CPZ: variants seen among roughly 807,000 people sequenced by gnomAD.
CPZ encodes the protein carboxypeptidase Z.
In CPZ, 103 loss-of-function variants were observed where a neutral mutation model predicts 61.8. The ratio of observed to expected loss-of-function variants is 1.67; its 90% CI spans 1.42 to 1.96. CPZ has a LOEUF of 1.96. CPZ is among the 30% of genes most tolerant of loss of function. The pLI, the probability that CPZ is intolerant of heterozygous loss-of-function variation, is 0.00. For synonymous variants in CPZ, 551 were observed against 373.7 expected, an observed-to-expected ratio of 1.47 and a Z score of -5.47; for missense variants, 1,461 against 914.9, an observed-to-expected ratio of 1.60 and a Z score of -7.70.
intron 1 of CPZ, among the ~76,000 whole-genome samples, chr4:8,597,999 A>T (rs888805729): frequency 1.3e-5 from 2 of 152,094 alleles, no homozygotes; most frequent in African/African-American, 2.4e-5. Context: ...TTCATAGTCC[A>T]TGTTCCCTGC....
At chr4:8,605,063 C>T (rs1714835890) in intron 4 of CPZ, among the ~76,000 whole-genome samples, 1 of 152,188 alleles carries the variant, frequency 6.6e-6, no homozygotes. Context: ...AAGAGGTGCC[C>T]CTGTGCAGAA....
In CPZ at chr4:8,606,719, G is replaced by A. The variant is rs766121340; in HGVS notation, c.907-18G>A. On this transcript the variant is annotated intron_variant, in intron 5 of 10. Transcript: ENST00000360986. ...GGTGTGCTGACCCCACCCAGTCGGG[G>A]GTTGGCCATGTTTTCAGGGTGCCGG... 1.9e-6 allele frequency: 3 copies of A among 1,613,906 alleles called. No individual in the cohort carries two copies. Among genetic ancestry groups the A allele is most frequent in the Non-Finnish European group, 1.7e-6 (2 of 1,180,000 alleles).
rs1397556747 is a variant in CPZ at position 8,601,364 on chromosome 4, C to T, written c.363C>T (p.Ile121=). ...GGWVRRPCRH[I]CEGLREVCQP... ...GGGTGCGCAGACCCTGCCGGCACAT[C>T]TGCGAGGGCCTGCGGGAGGTCTGCC... Residue 121 remains isoleucine, a synonymous_variant, in exon 3 of 11, where the codon ATC becomes ATT. Transcript: ENST00000360986. The T allele has an allele frequency of 5.0e-6, 8 of 1,600,976 alleles. No homozygotes were observed. The highest frequency in any genetic ancestry group is 2.3e-5 in the East Asian group (1 of 44,188).
At chr4:8,608,134 C>CCAGCT (rs1715201253) in intron 7 of CPZ, among the ~76,000 whole-genome samples, 2 of 140,838 alleles carry the variant, frequency 1.4e-5, no homozygotes, top group East Asian at 4.4e-4. Context: ...GGGCCCCAGC[C>CCAGCT]TCCAGCCCCC....
chr4:8,609,876 T>G lies in CPZ; in HGVS notation c.1228-2151T>G, dbSNP rs1293865576. Among the ~76,000 whole-genome samples, 5 of 152,116 alleles carry G rather than the reference T, an allele frequency of 3.3e-5. 1 individual carries two copies. Among genetic ancestry groups the G allele is most frequent in the African/African-American group, 2.4e-5 (1 of 41,422 alleles). Reference sequence around the variant, plus strand: ...GAGGCCTGGGTTTGGCAGGGGAGCATGAGAGGGGCTGGCTGGGGTGTGCCA... The same window carrying G: ...GAGGCCTGGGTTTGGCAGGGGAGCAGGAGAGGGGCTGGCTGGGGTGTGCCA... On this transcript the variant is annotated intron_variant, in intron 7 of 10. Coordinates refer to ENST00000360986, the MANE Select transcript of CPZ (RefSeq NM_001014447.3).
chr4:8,618,002 C>T (rs559438983), intron 9 of CPZ: 1 of 219,722 alleles, frequency 4.6e-6, no homozygotes, highest in South Asian at 7.9e-5. Flanking sequence ...GAGCGAGGGT[C>T]CGAGCACTGT....
At chr4:8,596,378 C>A (rs919942703) in intron 1 of CPZ, among the ~76,000 whole-genome samples, 4 of 152,214 alleles carry the variant, frequency 2.6e-5, no homozygotes, top group Non-Finnish European at 5.9e-5. Flanking sequence ...GCATGGTGGG[C>A]GCTTTGCTAG....
In CPZ at chr4:8,604,201, G is replaced by C. The variant is rs758966890; in HGVS notation, c.709+13G>C. The C allele has an allele frequency of 2.0e-6, 3 of 1,525,976 alleles. No individual in the cohort carries two copies. The highest frequency in any genetic ancestry group is 3.9e-5 in the Admixed American group (2 of 50,872). 94.5% of individuals were successfully genotyped at this position (1,525,976 alleles called of 1,614,324 possible). On this transcript the variant is annotated intron_variant, in intron 4 of 10. Transcript: ENST00000360986. ...CAGCACGAGCTGAGTGAGTGCCCTTGGGAGAGCCTGGCCTGGCCCCGTTTC... is the reference window on the plus strand; with the variant it reads ...CAGCACGAGCTGAGTGAGTGCCCTTCGGAGAGCCTGGCCTGGCCCCGTTTC...
At chr4:8,618,315 G>C in intron 9 of CPZ, 114 bp from the exon 10 acceptor site, 1 of 902,316 alleles carries the variant, frequency 1.1e-6, no homozygotes, top group Non-Finnish European at 1.8e-6. Flanking sequence ...GGCTCTGTGG[G>C]GTAGTTCCCC....
chr4:8,593,900 G>A (rs1713981503), intron 1 of CPZ, among the ~76,000 whole-genome samples: 1 of 152,204 alleles, frequency 6.6e-6, no homozygotes, highest in African/African-American at 2.4e-5. Flanking sequence ...TGCTCATGCA[G>A]GTGTGCAGGT....
chr4:8,600,129 T>A (rs1714463959), intron 2 of CPZ, among the ~76,000 whole-genome samples: 1 of 152,176 alleles, frequency 6.6e-6, no homozygotes, highest in South Asian at 2.1e-4. Context: ...TCTATTTTAT[T>A]TTATTTTTTA....
At chr4:8,615,278 A>C (rs1009262898) in intron 9 of CPZ, among the ~76,000 whole-genome samples, 2 of 152,034 alleles carry the variant, frequency 1.3e-5, no homozygotes, top group Admixed American at 1.3e-4. Context: ...TCTCCCTAGC[A>C]CTCAGTGTGA....
At position 8,619,599 on chromosome 4, in the gene CPZ, C is replaced by G. The variant is rs139764678; in HGVS notation, c.1941C>G (p.Arg647=). ...CATCGCTGAGCACCCACAGGCCACG[C>G]TGGCTGCTCAAGTACTAGCCCCGGC... is the stretch of plus-strand genomic sequence containing the variant. ...YFTSLSTHRP[R]WLLKY is the part of the protein sequence containing the mutation. The change falls in exon 11 of 11, where the codon CGC becomes CGG. Residue 647 remains arginine (R), a synonymous_variant. Coordinates refer to ENST00000360986, the MANE Select transcript of CPZ (RefSeq NM_001014447.3). The G allele has an allele frequency of 1.3e-4, 195 of 1,508,200 alleles. No homozygotes were observed. The African/African-American group carries it at 2.2e-3, about 17-fold the overall frequency. 93.4% of individuals were successfully genotyped at this position (1,508,200 alleles called of 1,614,324 possible). A position where few individuals can be genotyped will look rare whatever the true frequency, so the allele number is the denominator to read the frequency against.
chr4:8,604,408 G>A (rs560863326), intron 4 of CPZ, among the ~76,000 whole-genome samples: 116 of 152,352 alleles, frequency 7.6e-4, no homozygotes, highest in South Asian at 2.3e-3. Flanking sequence ...AAAATGTAGG[G>A]TGGCAGACTA....
At chr4:8,618,560 C>T (rs553249668) in intron 10 of CPZ, 32 bp downstream of exon 10, 6 of 1,550,184 alleles carry the variant, frequency 3.9e-6, no homozygotes, top group Middle Eastern at 3.4e-4. Flanking sequence ...CCCTGGGGAC[C>T]ACGTCTGCCA....
chr4:8,606,165 T>C lies in CPZ; in HGVS notation c.886T>C (p.Tyr296His). The change falls in exon 5 of 11, where the codon TAT becomes CAT. Residue 296 changes from tyrosine (Y) to histidine (H), a missense_variant. Coordinates refer to ENST00000360986, the MANE Select transcript of CPZ (RefSeq NM_001014447.3). ...GCTGCCCTCCATGAACCCTGACGGCTATGAGGTGGCAGCTGCCGAGGTGAG... is the reference window on the plus strand; with the variant it reads ...GCTGCCCTCCATGAACCCTGACGGCCATGAGGTGGCAGCTGCCGAGGTGAG... ...HLLPSMNPDG[Y>H]EVAAAEGAGY... 1 of 1,614,004 alleles carries C rather than the reference T, an allele frequency of 6.2e-7. No homozygotes were observed. The highest frequency in any genetic ancestry group is 8.5e-7 in the Non-Finnish European group (1 of 1,179,944).
intron 7 of CPZ, among the ~76,000 whole-genome samples, chr4:8,608,265 C>A (rs1715220953): frequency 6.6e-6 from 1 of 151,912 alleles, no homozygotes; most frequent in African/African-American, 2.4e-5. Flanking sequence ...CAGAGTCGCT[C>A]CCCAGGCTTC....
chr4:8,611,051 T>TTCGCTCAC, intron 7 of CPZ: 1 of 373,350 alleles, frequency 2.7e-6, no homozygotes, highest in South Asian at 1.9e-5. Context: ...TGCTCACGCA[T>TTCGCTCAC]TCGCTCACTC....
rs148255974 is a variant in CPZ, at chr4:8,614,490, G to T, written c.1495G>T (p.Val499Leu). 9 of 1,613,252 alleles carry T rather than the reference G, an allele frequency of 5.6e-6. No individual in the cohort carries two copies. Among genetic ancestry groups the T allele is most frequent in the Admixed American group, 1.7e-5 (1 of 59,960 alleles). ...CAACAAGGAGTCACTCCTGAATTTC[G>T]TGGAGACGGTGAGTTCTGACGGTCT... ...QHNKESLLNFVETVHRGIKGV... is the reference protein window; with the variant it reads ...QHNKESLLNFLETVHRGIKGV... Residue 499 changes from valine (V) to leucine (L), a missense_variant, in exon 9 of 11, where the codon GTG becomes TTG. By Grantham distance (32) the Val-to-Leu change is conservative. Transcript: ENST00000360986.
Sources: allele counts gnomAD v4.1 joint callset (sites outside exome capture counted in the v4.1 genomes callset), GRCh38; gene constraint gnomAD v4.1.1; transcripts MANE v1.5; gene names NCBI Gene and HGNC (gene_info 2026-07-23, HGNC 2026-07-21).